The following MACROD2 variants were observed in gnomAD, a reference collection of about 807,000 sequenced individuals.
The protein encoded by MACROD2 is ADP-ribose glycohydrolase MACROD2.
A neutral mutation model predicts 70.4 loss-of-function variants in MACROD2; 36 were observed. The ratio of observed to expected loss-of-function variants is 0.51; its 90% confidence interval spans 0.39 to 0.68. The LOEUF is 0.68. MACROD2 is among the 30% of genes least tolerant of loss of function. The pLI, the probability that MACROD2 is intolerant of heterozygous loss-of-function variation, is 0.00. For missense variants in MACROD2, 496 were observed against 538.4 expected (o/e 0.92, Z 0.78); for synonymous variants, 172 against 178.8 (o/e 0.96, Z 0.30).
intron 5 of MACROD2, among the ~76,000 whole-genome samples, chr20:14,899,566 G>A (rs2073871706): frequency 6.6e-6 from 1 of 152,046 alleles, no homozygotes; most frequent in Non-Finnish European, 1.5e-5. Context: ...TCCAAAATCT[G>A]CCTTTTTTAG....
intron 5 of MACROD2, among the ~76,000 whole-genome samples, chr20:15,096,150 G>A (rs967524380): frequency 6.6e-6 from 1 of 152,000 alleles, no homozygotes; most frequent in East Asian, 1.9e-4. Flanking sequence ...ACTAGGCCAC[G>A]AATAATGGAG....
intron 5 of MACROD2, among the ~76,000 whole-genome samples, chr20:14,887,552 C>T (rs946061100): frequency 5.9e-5 from 9 of 151,748 alleles, no homozygotes; most frequent in Non-Finnish European, 1.2e-4. Context: ...CCAGCTAATT[C>T]TTGTATTTTA....
chr20:14,504,802 TA>T, intron 4 of MACROD2, among the ~76,000 whole-genome samples: 1 of 152,326 alleles, frequency 6.6e-6, no homozygotes, highest in East Asian at 1.9e-4. Context: ...GTTGTATTTA[TA>T]AATAACAGAA....
intron 3 of MACROD2, among the ~76,000 whole-genome samples, chr20:14,474,787 C>T (rs1346404000): frequency 2.0e-5 from 3 of 152,038 alleles, no homozygotes; most frequent in South Asian, 2.1e-4. Flanking sequence ...AATGTTGCCA[C>T]CTCTGTTCTT....
intron 3 of MACROD2, among the ~76,000 whole-genome samples, chr20:14,121,263 G>C (rs1601247118): frequency 1.3e-5 from 2 of 152,088 alleles, no homozygotes; most frequent in African/African-American, 4.8e-5. Flanking sequence ...GATAATCCAG[G>C]CCAAATGCTT....
intron 4 of MACROD2, among the ~76,000 whole-genome samples, chr20:14,581,056 G>A (rs768482914): frequency 2.6e-5 from 4 of 152,124 alleles, no homozygotes; most frequent in Non-Finnish European, 4.4e-5. Flanking sequence ...GGCTGATGTC[G>A]TGAGTGCCAT....
At chr20:15,230,374 T>A (rs963953988) in intron 6 of MACROD2, among the ~76,000 whole-genome samples, 6 of 152,190 alleles carry the variant, frequency 3.9e-5, no homozygotes, top group African/African-American at 7.2e-5. Context: ...GCCAGCAGAT[T>A]TAAAGAAGGA....
chr20:14,859,165 C>A (rs1396393106), intron 5 of MACROD2, among the ~76,000 whole-genome samples: 1 of 151,992 alleles, frequency 6.6e-6, no homozygotes, highest in African/African-American at 2.4e-5. Context: ...ACTAAAATCT[C>A]AGAAATTACC....
chr20:15,817,198 TAAATC>T (rs1023286351), intron 8 of MACROD2, among the ~76,000 whole-genome samples: 9 of 152,224 alleles, frequency 5.9e-5, no homozygotes, highest in South Asian at 2.1e-4. Flanking sequence ...AGTTTTCTCT[TAAATC>T]AAAGCAAAGA....
chr20:14,589,563 T>G (rs913588595), intron 4 of MACROD2, among the ~76,000 whole-genome samples: 1 of 152,190 alleles, frequency 6.6e-6, no homozygotes, highest in Non-Finnish European at 1.5e-5. Context: ...TAGTTACATA[T>G]GTAGCTCTAG....
chr20:15,691,534 A>T (rs1487401005), intron 8 of MACROD2, among the ~76,000 whole-genome samples: 1 of 152,200 alleles, frequency 6.6e-6, no homozygotes, highest in East Asian at 1.9e-4. Context: ...AGAACATTAG[A>T]TGGTGACAAG....
At chr20:15,457,949 G>GAA (rs552514425) in intron 7 of MACROD2, among the ~76,000 whole-genome samples, 5 of 108,978 alleles carry the variant, frequency 4.6e-5, no homozygotes, top group Non-Finnish European at 9.6e-5. Flanking sequence ...CACCTTAAAT[G>GAA]AAAAAAAAAA....
intron 6 of MACROD2, among the ~76,000 whole-genome samples, chr20:15,347,200 A>G (rs1020724784): frequency 2.0e-5 from 3 of 152,202 alleles, no homozygotes; most frequent in Admixed American, 2.0e-4. Context: ...CTTTTTCTCA[A>G]TCTACCATTT....
chr20:15,944,974 A>T (rs1166346227), intron 12 of MACROD2, among the ~76,000 whole-genome samples: 1 of 152,140 alleles, frequency 6.6e-6, no homozygotes, highest in Admixed American at 6.5e-5. Context: ...AGAGTAAAAT[A>T]CATGGACTAA....
intron 8 of MACROD2, among the ~76,000 whole-genome samples, chr20:15,538,624 G>GTATCTCAGT (rs2146562041): frequency 6.6e-6 from 1 of 152,316 alleles, no homozygotes; most frequent in Non-Finnish European, 1.5e-5. Flanking sequence ...ATACAGAGAA[G>GTATCTCAGT]TAGAGACTGA....
intron 8 of MACROD2, among the ~76,000 whole-genome samples, chr20:15,789,744 C>A (rs1291477057): frequency 6.6e-6 from 1 of 151,768 alleles, no homozygotes; most frequent in East Asian, 1.9e-4. Context: ...GAAGAAAACA[C>A]AAGTGCATAA....
chr20:16,025,780 C>G (rs1265114816), intron 15 of MACROD2, among the ~76,000 whole-genome samples: 1 of 152,150 alleles, frequency 6.6e-6, no homozygotes, highest in East Asian at 1.9e-4. Flanking sequence ...TAATGCATTT[C>G]TAACCACAGG....
intron 8 of MACROD2, among the ~76,000 whole-genome samples, chr20:15,660,391 C>G (rs945555629): frequency 6.0e-5 from 9 of 149,626 alleles, no homozygotes; most frequent in East Asian, 2.1e-4. Flanking sequence ...GTGATGGTAT[C>G]CATGCACATC....
chr20:15,191,792 T>G (rs1427599641), intron 5 of MACROD2, among the ~76,000 whole-genome samples: 1 of 152,122 alleles, frequency 6.6e-6, no homozygotes, highest in Non-Finnish European at 1.5e-5. Flanking sequence ...AAACCCCAGC[T>G]CAAGGATTAG....
Sources: allele counts gnomAD v4.1 joint callset (sites outside exome capture counted in the v4.1 genomes callset), GRCh38; gene constraint gnomAD v4.1.1; transcripts MANE v1.5; gene names NCBI Gene and HGNC (gene_info 2026-07-23, HGNC 2026-07-21).